NKAIN2: variants seen among roughly 807,000 people sequenced by gnomAD.
NKAIN2 encodes sodium/potassium transporting ATPase interacting 2.
NKAIN2 carries 14 observed loss-of-function variants against 32.6 expected under a neutral mutation model. The observed-to-expected ratio is 0.43, with a 90% confidence interval of 0.28 to 0.67. The LOEUF (loss-of-function observed/expected upper bound fraction) is 0.67, where lower values mean the gene tolerates loss of function less well. NKAIN2 is among the 30% of genes least tolerant of loss of function. The pLI is 0.17. For synonymous variants in NKAIN2, 80 were observed against 87.2 expected, an observed-to-expected ratio of 0.92 and a Z score of 0.46; for missense variants, 198 against 258.3, an observed-to-expected ratio of 0.77 and a Z score of 1.60.
At chr6:124,724,694 G>A (rs1229514975) in intron 4 of NKAIN2, among the ~76,000 whole-genome samples, 1 of 152,186 alleles carries the variant, frequency 6.6e-6, no homozygotes, top group Non-Finnish European at 1.5e-5. Context: ...AAGAATTAAG[G>A]ATGAGGATTA....
intron 3 of NKAIN2, among the ~76,000 whole-genome samples, chr6:124,531,865 T>A (rs1779539627): frequency 6.6e-6 from 1 of 152,148 alleles, no homozygotes; most frequent in Admixed American, 6.5e-5. Context: ...CAGACGGGGT[T>A]TCACCATGTT....
intron 1 of NKAIN2, among the ~76,000 whole-genome samples, chr6:123,968,773 T>A (rs1778206416): frequency 6.6e-6 from 1 of 152,198 alleles, no homozygotes; most frequent in Non-Finnish European, 1.5e-5. Flanking sequence ...TACAAATTTC[T>A]GCTCACCATT....
At chr6:123,911,830 C>T (rs1467876830) in intron 1 of NKAIN2, among the ~76,000 whole-genome samples, 24 of 70,212 alleles carry the variant, frequency 3.4e-4, no homozygotes, top group East Asian at 7.6e-4. Flanking sequence ...CACACACACA[C>T]ACACACACAC....
At chr6:123,931,362 C>T (rs1449726588) in intron 1 of NKAIN2, among the ~76,000 whole-genome samples, 1 of 152,028 alleles carries the variant, frequency 6.6e-6, no homozygotes, top group Non-Finnish European at 1.5e-5. Flanking sequence ...CCATTTCTTA[C>T]TCTCCACTGA....
chr6:124,198,943 C>T (rs2114617765), intron 1 of NKAIN2, among the ~76,000 whole-genome samples: 1 of 152,234 alleles, frequency 6.6e-6, no homozygotes, highest in East Asian at 1.9e-4. Flanking sequence ...TTGTGTGGGA[C>T]ACTTTGCGCC....
At chr6:124,490,899 A>G (rs1227584892) in intron 3 of NKAIN2, among the ~76,000 whole-genome samples, 1 of 151,762 alleles carries the variant, frequency 6.6e-6, no homozygotes, top group Non-Finnish European at 1.5e-5. Context: ...AGATTTTATC[A>G]AACATTTAGC....
At chr6:124,150,371 G>C (rs1402509139) in intron 1 of NKAIN2, among the ~76,000 whole-genome samples, 1 of 152,042 alleles carries the variant, frequency 6.6e-6, no homozygotes, top group Non-Finnish European at 1.5e-5. Context: ...AGACATATCT[G>C]TTCACTAAGA....
intron 1 of NKAIN2, among the ~76,000 whole-genome samples, chr6:123,918,170 C>A (rs1231326368): frequency 6.6e-6 from 1 of 152,042 alleles, no homozygotes; most frequent in Non-Finnish European, 1.5e-5. Context: ...TGAAATTAGT[C>A]ATAGTAGATG....
At chr6:124,762,399 T>C (rs538033281) in intron 4 of NKAIN2, among the ~76,000 whole-genome samples, 6 of 152,252 alleles carry the variant, frequency 3.9e-5, no homozygotes, top group African/African-American at 1.4e-4. Context: ...CCTCTAAATA[T>C]AGTCATATTC....
At chr6:124,799,668 A>AT (rs1327662638) in intron 5 of NKAIN2, among the ~76,000 whole-genome samples, 8 of 152,188 alleles carry the variant, frequency 5.3e-5, no homozygotes, top group African/African-American at 1.7e-4. Flanking sequence ...CAAAAGAGGT[A>AT]TTTTTTATGC....
At chr6:124,819,946 T>C (rs1168114460) in intron 6 of NKAIN2, among the ~76,000 whole-genome samples, 1 of 152,152 alleles carries the variant, frequency 6.6e-6, no homozygotes, top group Non-Finnish European at 1.5e-5. Context: ...TTCATGCTGT[T>C]CTCTTGACAA....
intron 1 of NKAIN2, among the ~76,000 whole-genome samples, chr6:123,896,029 T>C (rs140138593): frequency 6.6e-6 from 1 of 152,322 alleles, no homozygotes; most frequent in African/African-American, 2.4e-5. Context: ...TCATTTCGCC[T>C]GATGTTCTAT....
intron 1 of NKAIN2, among the ~76,000 whole-genome samples, chr6:124,194,526 T>C (rs1363025734): frequency 1.3e-5 from 2 of 152,198 alleles, no homozygotes; most frequent in South Asian, 2.1e-4. Context: ...ATCTTATTAC[T>C]TGATTTTCGT....
intron 4 of NKAIN2, among the ~76,000 whole-genome samples, chr6:124,698,815 A>T (rs35355884): frequency 6.7e-4 from 102 of 152,212 alleles, no homozygotes; most frequent in Non-Finnish European, 1.0e-3. Flanking sequence ...GTTATTTAGG[A>T]ACAAGAGAAT....
intron 3 of NKAIN2, among the ~76,000 whole-genome samples, chr6:124,560,715 T>G (rs1013047158): frequency 6.6e-6 from 1 of 152,214 alleles, no homozygotes; most frequent in African/African-American, 2.4e-5. Flanking sequence ...AATCCTAAGA[T>G]TCTATGTGAA....
In NKAIN2 at chr6:124,065,213, TAC is replaced by T. The variant is rs144681461; in HGVS notation, c.55-217766_55-217765del. Among the ~76,000 whole-genome samples the T allele has an allele frequency of 8.8e-3, 1,295 of 147,058 alleles. 7 individuals are homozygous for T. Among genetic ancestry groups the T allele is most frequent in the African/African-American group, 0.022 (878 of 40,292 alleles). ...CTCTTTTCTTCATCTATCAGAAAAT[TAC>T]ACACACACACACACACACACACACA... On this transcript the variant is annotated intron_variant, in intron 1 of 6. Coordinates refer to ENST00000368417, the MANE Select transcript of NKAIN2 (RefSeq NM_001040214.3).
intron 1 of NKAIN2, among the ~76,000 whole-genome samples, chr6:124,222,153 A>G (rs961938241): frequency 2.0e-5 from 3 of 152,162 alleles, no homozygotes; most frequent in Non-Finnish European, 4.4e-5. Context: ...AATCTGTGTT[A>G]TGATGTAACA....
chr6:124,678,866 C>G (rs1408614405), intron 4 of NKAIN2, among the ~76,000 whole-genome samples: 1 of 152,170 alleles, frequency 6.6e-6, no homozygotes, highest in African/African-American at 2.4e-5. Flanking sequence ...AATCAACCCA[C>G]CTACAGACTC....
chr6:124,130,974 C>T (rs1786444405), intron 1 of NKAIN2, among the ~76,000 whole-genome samples: 1 of 152,148 alleles, frequency 6.6e-6, no homozygotes, highest in African/African-American at 2.4e-5. Context: ...CCTGTCTTGG[C>T]CTGGTGTCTG....
Sources: gnomAD v4.1 joint callset for allele counts (sites outside exome capture counted in the v4.1 genomes callset) on GRCh38, gnomAD v4.1.1 for gene constraint, MANE v1.5 for transcripts, NCBI Gene and HGNC (gene_info 2026-07-23, HGNC 2026-07-21) for gene names.